The following ANGPT2 variants were observed in gnomAD, a reference collection of about 807,000 sequenced individuals.
ANGPT2 encodes the protein angiopoietin-2.
A neutral mutation model predicts 62.9 loss-of-function variants in ANGPT2; 28 were observed. The ratio of observed to expected loss-of-function variants is 0.44; its 90% CI spans 0.33 to 0.61. The LOEUF is 0.61. ANGPT2 is among the 20% of genes least tolerant of loss of function. The pLI is 0.03. For synonymous variants in ANGPT2, 284 were observed against 207.8 expected (o/e 1.37, Z -3.15); for missense variants, 727 against 594.9 (o/e 1.22, Z -2.31).
chr8:6,560,897 A>G (rs1825429034), intron 1 of ANGPT2, among the ~76,000 whole-genome samples: 1 of 152,248 alleles, frequency 6.6e-6, no homozygotes, highest in Non-Finnish European at 1.5e-5. Flanking sequence ...CATTTGGCCT[A>G]GCATTCTTTT....
chr8:6,511,588 G>A (rs959070507), intron 7 of ANGPT2, among the ~76,000 whole-genome samples: 17 of 152,022 alleles, frequency 1.1e-4, no homozygotes, highest in African/African-American at 1.7e-4. Flanking sequence ...TACAACTGGC[G>A]TCTCAAAGCA....
intron 1 of ANGPT2, among the ~76,000 whole-genome samples, chr8:6,555,356 C>T (rs1179247271): frequency 6.6e-6 from 1 of 152,192 alleles, no homozygotes; most frequent in Non-Finnish European, 1.5e-5. Context: ...GCGTTTCCCC[C>T]TGTCAACTTC....
intron 1 of ANGPT2, among the ~76,000 whole-genome samples, chr8:6,546,205 C>T (rs1487739019): frequency 6.6e-6 from 1 of 152,170 alleles, no homozygotes; most frequent in African/African-American, 2.4e-5. Context: ...GCCAAGGCAC[C>T]CTGGGTCCTT....
intron 8 of ANGPT2, among the ~76,000 whole-genome samples, chr8:6,505,708 CGT>C (rs1813477379): frequency 7.9e-6 from 1 of 126,972 alleles, no homozygotes; most frequent in Non-Finnish European, 1.6e-5. Flanking sequence ...TTCTTTATTA[CGT>C]ATATATATTC....
rs879477643 is a variant in ANGPT2, at chr8:6,512,355, G to C, written c.1196+1323C>G. Among the ~76,000 whole-genome samples the C allele has an allele frequency of 3.9e-5, 6 of 152,296 alleles. No homozygotes were observed. The East Asian group carries it at 9.7e-4, about 25-fold the overall frequency. ...GACTTTAACATTGTGTCTCCTTTCAGACTGTTCAGGTCGTGGAGCGGAGTG... is the reference window on the plus strand; with the variant it reads ...GACTTTAACATTGTGTCTCCTTTCACACTGTTCAGGTCGTGGAGCGGAGTG... On this transcript the variant is annotated intron_variant, in intron 7 of 8. Transcript: ENST00000629816.
At chr8:6,514,544 C>T in intron 6 of ANGPT2, 133 bp downstream of exon 6, 1 of 771,910 alleles carries the variant, frequency 1.3e-6, no homozygotes. Flanking sequence ...AAAGGGGAGA[C>T]TGAAGCACCA....
At chr8:6,532,865 C>CT (rs759911474) in intron 1 of ANGPT2, among the ~76,000 whole-genome samples, 25 of 152,202 alleles carry the variant, frequency 1.6e-4, no homozygotes, top group Non-Finnish European at 3.2e-4. Context: ...TCTGACCATG[C>CT]AGTCAGGAAA....
chr8:6,547,004 G>A (rs1189082799), intron 1 of ANGPT2, among the ~76,000 whole-genome samples: 2 of 152,080 alleles, frequency 1.3e-5, no homozygotes, highest in African/African-American at 2.4e-5. Flanking sequence ...TTATAACCAC[G>A]GTGTACCTCG....
At chr8:6,536,913 A>AT (rs1554440240) in intron 1 of ANGPT2, among the ~76,000 whole-genome samples, 1 of 151,732 alleles carries the variant, frequency 6.6e-6, no homozygotes, top group Non-Finnish European at 1.5e-5. Context: ...ACCCAGAAAT[A>AT]TAGAAACCTG....
At chr8:6,550,848 A>G (rs1823523244) in intron 1 of ANGPT2, among the ~76,000 whole-genome samples, 1 of 152,184 alleles carries the variant, frequency 6.6e-6, no homozygotes, top group Non-Finnish European at 1.5e-5. Context: ...CACCTGATAA[A>G]TGCCAGCTGC....
chr8:6,514,786 C>A lies in ANGPT2; in HGVS notation c.928-8G>T, dbSNP rs765308460. ...TTCCATGTCACAGTAGGCCTGCAAA[C>A]AGGAATGCAGGGTATAAGTGACAGA... On this transcript the variant is annotated splice_region_variant and splice_polypyrimidine_tract_variant and intron_variant, in intron 5 of 8. Transcript: ENST00000629816. 1.2e-6 allele frequency: 2 copies of A among 1,613,176 alleles called. No individual in the cohort carries two copies. Among genetic ancestry groups the A allele is most frequent in the Admixed American group, 1.7e-5 (1 of 59,996 alleles).
intron 1 of ANGPT2, among the ~76,000 whole-genome samples, chr8:6,550,056 C>T (rs1029699070): frequency 1.3e-5 from 2 of 152,174 alleles, no homozygotes; most frequent in Non-Finnish European, 1.5e-5. Flanking sequence ...CTGCTGTCAG[C>T]ACTGATGTTG....
At chr8:6,513,927 T>C (rs58784829) in intron 6 of ANGPT2, 83 bp from the exon 7 acceptor site, 68,109 of 1,263,774 alleles carry the variant, frequency 0.054, 3,153 homozygotes, top group African/African-American at 0.21. Context: ...CAACTTAACA[T>C]AGAATAACTA....
At position 6,512,930 on chromosome 8, in the gene ANGPT2, C is replaced by G. The variant is rs1815469238; in HGVS notation, c.1196+748G>C. 3.9e-5 allele frequency among the ~76,000 whole-genome samples: 6 copies of G among 152,192 alleles called. 1 individual carries two copies. Among genetic ancestry groups the G allele is most frequent in the Admixed American group, 3.9e-4 (6 of 15,276 alleles). ...CTCTAAACTTGACAACTAATCTTGA[C>G]TTTGAGATTGAAGACAATTGAATGT... On this transcript the variant is annotated intron_variant, in intron 7 of 8. Transcript: ENST00000629816.
chr8:6,531,775 C>T (rs904127567), intron 2 of ANGPT2, among the ~76,000 whole-genome samples: 4 of 141,062 alleles, frequency 2.8e-5, no homozygotes, highest in African/African-American at 5.3e-5. Flanking sequence ...GGAGCCATGG[C>T]AGCGCTCAGG....
chr8:6,535,510 G>A (rs1820317390), intron 1 of ANGPT2, among the ~76,000 whole-genome samples: 2 of 152,130 alleles, frequency 1.3e-5, no homozygotes, highest in Admixed American at 6.5e-5. Context: ...GCTAATGTGT[G>A]TCCATTTATG....
chr8:6,511,255 C>T (rs2442631), intron 7 of ANGPT2, among the ~76,000 whole-genome samples: 64,744 of 151,632 alleles, frequency 0.43, 14,062 homozygotes, highest in Middle Eastern at 0.53. Flanking sequence ...AGAATGGCCA[C>T]GTTCTTGAAG....
At chr8:6,507,309 C>T (rs1298597510) in intron 8 of ANGPT2, among the ~76,000 whole-genome samples, 1 of 152,082 alleles carries the variant, frequency 6.6e-6, no homozygotes, top group Non-Finnish European at 1.5e-5. Flanking sequence ...CTTTGGTTTT[C>T]CTGGGTGGGT....
chr8:6,547,267 G>C (rs907799423), intron 1 of ANGPT2, among the ~76,000 whole-genome samples: 1 of 152,092 alleles, frequency 6.6e-6, no homozygotes, highest in Non-Finnish European at 1.5e-5. Context: ...AACTTTCAGT[G>C]TGATTCTCCA....
Sources: gnomAD v4.1 joint callset for allele counts (sites outside exome capture counted in the v4.1 genomes callset) on GRCh38, gnomAD v4.1.1 for gene constraint, MANE v1.5 for transcripts, NCBI Gene and HGNC (gene_info 2026-07-23, HGNC 2026-07-21) for gene names.